The following BMPR1B variants were observed in gnomAD, a reference collection of about 807,000 sequenced individuals.
The protein encoded by BMPR1B is bone morphogenetic protein receptor type 1B.
Under a neutral mutation model 59.1 loss-of-function variants are expected in BMPR1B, and 12 were observed. The ratio of observed to expected loss-of-function variants is 0.20; its 90% confidence interval spans 0.13 to 0.33. The LOEUF (loss-of-function observed/expected upper bound fraction) is 0.33, where lower values mean the gene tolerates loss of function less well. Ranked by LOEUF, BMPR1B falls within the 10% of genes least tolerant of loss-of-function variation. BMPR1B has a pLI of 1.00. For missense variants in BMPR1B, 550 were observed against 610.9 expected, an observed-to-expected ratio of 0.90 and a Z score of 1.05; for synonymous variants, 237 against 207.3, an observed-to-expected ratio of 1.14 and a Z score of -1.23.
intron 1 of BMPR1B, among the ~76,000 whole-genome samples, chr4:94,851,049 A>G (rs865972191): frequency 3.4e-4 from 32 of 93,150 alleles, no homozygotes; most frequent in Middle Eastern, 4.5e-3. Context: ...GGGAATTCTC[A>G]GGTTTTTTTT....
Position 94,978,780 on chromosome 4 carries a change from A to G in BMPR1B, c.-112-17260A>G, listed in dbSNP as rs1045864661. ...TGGCCATCTGTATTGGTCTGTTCTC[A>G]TGCTGCTAATAAAGACATACCTGAG... On this transcript the variant is annotated intron_variant, in intron 2 of 12. Coordinates refer to ENST00000515059, the MANE Select transcript of BMPR1B (RefSeq NM_001203.3). 3.5e-4 allele frequency among the ~76,000 whole-genome samples: 54 copies of G among 152,140 alleles called. 1 individual carries two copies. The highest frequency in any genetic ancestry group is 1.3e-3 in the African/African-American group (52 of 41,418).
rs1252493313 is a variant in BMPR1B, at chr4:95,157,366, C to T, written c.*2693C>T. 6.6e-6 allele frequency: 1 copy of T among 152,062 alleles called. No individual in the cohort carries two copies. Among genetic ancestry groups the T allele is most frequent in the Non-Finnish European group, 1.5e-5 (1 of 67,966 alleles). 9.4% of individuals were successfully genotyped at this position (152,062 alleles called of 1,614,324 possible). On this transcript the variant is annotated 3_prime_UTR_variant, in exon 13 of 13. Coordinates refer to ENST00000515059, the MANE Select transcript of BMPR1B (RefSeq NM_001203.3). Reference sequence around the variant, plus strand: ...CACTAAATTGTTCTTAAAGACTACTCATTTCCCAATAATCCTTTATGATTT... The same window carrying T: ...CACTAAATTGTTCTTAAAGACTACTTATTTCCCAATAATCCTTTATGATTT...
At chr4:94,812,565 G>A (rs1488786370) in intron 1 of BMPR1B, among the ~76,000 whole-genome samples, 1 of 152,096 alleles carries the variant, frequency 6.6e-6, no homozygotes, top group Non-Finnish European at 1.5e-5. Context: ...AGCTATGCAG[G>A]GTTTTATATC....
chr4:94,862,163 T>TGC (rs1726010833), intron 1 of BMPR1B, among the ~76,000 whole-genome samples: 1 of 151,824 alleles, frequency 6.6e-6, no homozygotes, highest in African/African-American at 2.4e-5. Context: ...TTTTTGTTGT[T>TGC]TTTTTGAGAT....
At chr4:95,046,555 A>C (rs1726074975) in intron 3 of BMPR1B, among the ~76,000 whole-genome samples, 2 of 152,204 alleles carry the variant, frequency 1.3e-5, no homozygotes, top group Non-Finnish European at 2.9e-5. Context: ...CATAGCACAA[A>C]TAGGCCCTTT....
chr4:95,038,018 A>G (rs1197212683), intron 3 of BMPR1B, among the ~76,000 whole-genome samples: 1 of 152,168 alleles, frequency 6.6e-6, no homozygotes. Flanking sequence ...AAAAAAAGAT[A>G]AAGCAGTGTA....
At chr4:95,149,028 T>C in intron 11 of BMPR1B, 105 bp downstream of exon 11, 1 of 1,428,412 alleles carries the variant, frequency 7.0e-7, no homozygotes, top group South Asian at 1.2e-5. Flanking sequence ...GATCTGGTTT[T>C]ATTTTCCCCT....
chr4:94,911,836 C>T (rs1018913309), intron 2 of BMPR1B, among the ~76,000 whole-genome samples: 2 of 152,192 alleles, frequency 1.3e-5, no homozygotes, highest in East Asian at 3.9e-4. Flanking sequence ...GGAGTAGGCC[C>T]AATTTGTGTA....
In BMPR1B at chr4:94,975,304, T is replaced by C. The variant is rs149460359; in HGVS notation, c.-112-20736T>C. Among the ~76,000 whole-genome samples the C allele has an allele frequency of 2.2e-4, 33 of 152,142 alleles. 1 individual carries two copies. In the East Asian group the frequency reaches 6.2e-3, roughly 29 times the overall value. On this transcript the variant is annotated intron_variant, in intron 2 of 12. Coordinates refer to ENST00000515059, the MANE Select transcript of BMPR1B (RefSeq NM_001203.3). ...TTGTCTGGAGACTTGGATAATTTAG[T>C]GATCAAATCTGAACTCTTTTCATTT...
chr4:95,091,827 A>G (rs1730013314), intron 3 of BMPR1B, among the ~76,000 whole-genome samples: 3 of 152,180 alleles, frequency 2.0e-5, no homozygotes, highest in Admixed American at 1.3e-4. Flanking sequence ...AGAAAATACC[A>G]TGTAGCCGAA....
rs969743823 is a variant in BMPR1B at position 94,942,018 on chromosome 4, A to G, written c.-112-54022A>G. ...GGTTACATAGCTCTTTGGCACAGGC[A>G]AAAGACCAGAAGACAGAAGAGTCTA... is the stretch of plus-strand genomic sequence containing the variant. On this transcript the variant is annotated intron_variant, in intron 2 of 12. Coordinates refer to ENST00000515059, the MANE Select transcript of BMPR1B (RefSeq NM_001203.3). 2.6e-5 allele frequency among the ~76,000 whole-genome samples: 4 copies of G among 152,240 alleles called. No individual in the cohort carries two copies. In the East Asian group the frequency reaches 5.8e-4, roughly 22 times the overall value.
At chr4:94,901,913 A>G (rs1727823205) in intron 2 of BMPR1B, among the ~76,000 whole-genome samples, 1 of 151,940 alleles carries the variant, frequency 6.6e-6, no homozygotes, top group Admixed American at 6.6e-5. Flanking sequence ...TGTGTGTACA[A>G]AATGGAGTAT....
intron 2 of BMPR1B, among the ~76,000 whole-genome samples, chr4:94,909,448 T>C (rs1728190377): frequency 6.6e-6 from 1 of 151,998 alleles, no homozygotes; most frequent in African/African-American, 2.4e-5. Context: ...TGCTCTGTGC[T>C]TTCAGCTTCC....
In BMPR1B at chr4:95,155,133, C is replaced by G. The variant is rs1299816934; in HGVS notation, c.*460C>G. On this transcript the variant is annotated 3_prime_UTR_variant, in exon 13 of 13. Coordinates refer to ENST00000515059, the MANE Select transcript of BMPR1B (RefSeq NM_001203.3). ...TCCATTGGTAAAATATTGTTGCACT[C>G]TGTGAACCAAAAGACAGTCTAAGTT... 5.6e-6 allele frequency: 1 copy of G among 179,796 alleles called. No individual in the cohort carries two copies. The highest frequency in any genetic ancestry group is 1.2e-5 in the Non-Finnish European group (1 of 84,422). The allele number at this position is 179,796 out of a possible 1,614,324, so 11.1% of individuals were successfully genotyped here. A position where few individuals can be genotyped will look rare whatever the true frequency, so the allele number is the denominator to read the frequency against.
intron 2 of BMPR1B, among the ~76,000 whole-genome samples, chr4:94,952,976 G>T (rs2149056857): frequency 6.6e-6 from 1 of 152,280 alleles, no homozygotes; most frequent in South Asian, 2.1e-4. Context: ...AAGATAGTTA[G>T]CGCTTCTTGT....
intron 2 of BMPR1B, among the ~76,000 whole-genome samples, chr4:94,963,410 T>A (rs935515149): frequency 6.6e-6 from 1 of 152,162 alleles, no homozygotes; most frequent in African/African-American, 2.4e-5. Flanking sequence ...CACAAAAAAA[T>A]ACTTGCCCCG....
chr4:94,847,598 A>G (rs1213503833), intron 1 of BMPR1B, among the ~76,000 whole-genome samples: 1 of 136,966 alleles, frequency 7.3e-6, no homozygotes, highest in Non-Finnish European at 1.6e-5. Context: ...ATGGAGTACT[A>G]TTCAGCCATA....
rs1307684868 is a variant in BMPR1B at position 95,123,871 on chromosome 4, G to A, written c.411G>A (p.Leu137=). ...TTATATCTGTGACTGTCTGTAGTTT[G>A]CTCTTGGTCCTTATCATATTATTTT... ...ALLISVTVCS[L]LLVLIILFCY... The change falls in exon 7 of 13, where the codon TTG becomes TTA. Residue 137 remains leucine (L), a synonymous_variant. Coordinates refer to ENST00000515059, the MANE Select transcript of BMPR1B (RefSeq NM_001203.3). 19 of 1,611,974 alleles carry A rather than the reference G, an allele frequency of 1.2e-5. No individual in the cohort carries two copies. The highest frequency in any genetic ancestry group is 1.7e-5 in the Admixed American group (1 of 59,950).
chr4:94,758,209 G>GTCGCCCTAGGCAGGACGGAGC (rs1721601788), intron 1 of BMPR1B, 141 bp downstream of exon 1: 1 of 151,326 alleles, frequency 6.6e-6, no homozygotes, highest in Non-Finnish European at 1.5e-5. Flanking sequence ...CTGGGCGGCG[G>GTCGCCCTAGGCAGGACGGAGC]TCGCCCTAGG....
Sources: allele counts gnomAD v4.1 joint callset (sites outside exome capture counted in the v4.1 genomes callset), GRCh38; gene constraint gnomAD v4.1.1; transcripts MANE v1.5; gene names NCBI Gene and HGNC (gene_info 2026-07-23, HGNC 2026-07-21).